CARD6: variants seen among roughly 807,000 people sequenced by gnomAD.
The protein encoded by CARD6 is caspase recruitment domain family member 6.
In CARD6, 27 loss-of-function variants were observed where a neutral mutation model predicts 23.6. The observed-to-expected ratio is 1.14, with a 90% CI of 0.84 to 1.58. The LOEUF (loss-of-function observed/expected upper bound fraction) is 1.58, where lower values mean the gene tolerates loss of function less well. Among genes scored for constraint, CARD6 ranks in the 40% most tolerant of loss-of-function variants. CARD6 has a pLI of 0.00. For synonymous variants in CARD6, 397 were observed against 431.8 expected (o/e 0.92, Z 1.00); for missense variants, 1,214 against 1,209.9 (o/e 1.00, Z -0.05).
chr5:40,842,667 G>A (rs1745882532), intron 1 of CARD6, among the ~76,000 whole-genome samples: 1 of 151,764 alleles, frequency 6.6e-6, no homozygotes. Flanking sequence ...TTTTTTAGTG[G>A]AAAAAAGAAA....
chr5:40,849,000 G>T (rs112995678), intron 2 of CARD6, among the ~76,000 whole-genome samples: 3,947 of 151,934 alleles, frequency 0.026, 197 homozygotes, highest in African/African-American at 0.088. Context: ...GATCCTGTGG[G>T]TATTGATGTC....
At chr5:40,851,448 C>T (rs1010223517) in intron 2 of CARD6, among the ~76,000 whole-genome samples, 1 of 152,148 alleles carries the variant, frequency 6.6e-6, no homozygotes, top group African/African-American at 2.4e-5. Flanking sequence ...TTGATATCTC[C>T]CCTAAAAACG....
Position 40,853,401 on chromosome 5 carries a change from T to G in CARD6, c.2069T>G (p.Leu690Arg). Residue 690 changes from leucine to arginine, a missense_variant, in exon 3 of 3, where the codon CTA becomes CGA. Transcript: ENST00000254691. ...EGEGQQRHSQLKSSSKSQALM... is the reference protein window; with the variant it reads ...EGEGQQRHSQRKSSSKSQALM... Reference sequence around the variant, plus strand: ...GAGGGTCAGCAAAGACACAGTCAGCTAAAAAGCTCATCTAAAAGCCAGGCT... The same window carrying G: ...GAGGGTCAGCAAAGACACAGTCAGCGAAAAAGCTCATCTAAAAGCCAGGCT... 2 of 1,614,122 alleles carry G rather than the reference T, an allele frequency of 1.2e-6. No individual in the cohort carries two copies. The highest frequency in any genetic ancestry group is 1.7e-6 in the Non-Finnish European group (2 of 1,180,006).
chr5:40,853,664 G>A lies in CARD6; in HGVS notation c.2332G>A (p.Gly778Ser), dbSNP rs1746126225. The A allele has an allele frequency of 6.2e-7, 1 of 1,614,190 alleles. No homozygotes were observed. Among genetic ancestry groups the A allele is most frequent in the Non-Finnish European group, 8.5e-7 (1 of 1,180,042 alleles). ...PLPFQNAGAQ[G>S]RGKSFGIQSF... The stretch of plus-strand genomic sequence containing the variant: ...GCCTTTTCAGAATGCAGGGGCCCAG[G>A]GCCGAGGTAAAAGTTTTGGTATTCA... Residue 778 changes from glycine (G) to serine (S), a missense_variant, in exon 3 of 3, where the codon GGC becomes AGC. Gly to Ser is a moderately conservative substitution (Grantham distance 56, BLOSUM62 0). Transcript: ENST00000254691.
Position 40,841,426 on chromosome 5 carries a change from GAA to G in CARD6, c.49_50del (p.Lys17ValfsTer3). Reference sequence around the variant, plus strand: ...CCCTCAGAGATCATAGAAAGAGAAAGAAAAAAGTTGCTTGAAATCCTTCAACA... The same window carrying G: ...CCCTCAGAGATCATAGAAAGAGAAAGAAAAGTTGCTTGAAATCCTTCAACA... On this transcript the variant is annotated frameshift_variant, in exon 1 of 3. Coordinates refer to ENST00000254691, the MANE Select transcript of CARD6 (RefSeq NM_032587.4). LOFTEE classifies it high-confidence loss of function. 6.2e-7 allele frequency: 1 copy of G among 1,612,350 alleles called. No homozygotes were observed. Among genetic ancestry groups the G allele is most frequent in the East Asian group, 2.2e-5 (1 of 44,830 alleles).
Position 40,853,392 on chromosome 5 carries a change from ACAGT to A in CARD6, c.2064_2067del (p.Gln689Ter), listed in dbSNP as rs1416568407. The A allele has an allele frequency of 3.7e-6, 6 of 1,614,070 alleles. No individual in the cohort carries two copies. Among genetic ancestry groups the A allele is most frequent in the Non-Finnish European group, 5.1e-6 (6 of 1,180,048 alleles). ...GCTGAAGGTGAGGGTCAGCAAAGACACAGTCAGCTAAAAAGCTCATCTAAAAGCC... is the reference window on the plus strand; with the variant it reads ...GCTGAAGGTGAGGGTCAGCAAAGACACAGCTAAAAAGCTCATCTAAAAGCC... On this transcript the variant is annotated frameshift_variant, in exon 3 of 3. Coordinates refer to ENST00000254691, the MANE Select transcript of CARD6 (RefSeq NM_032587.4). LOFTEE classifies it low-confidence loss of function (END_TRUNC).
intron 2 of CARD6, among the ~76,000 whole-genome samples, chr5:40,850,930 G>A (rs1746054541): frequency 6.6e-6 from 1 of 151,978 alleles, no homozygotes; most frequent in Non-Finnish European, 1.5e-5. Flanking sequence ...TAGCTAAAAT[G>A]AGTTAGGTAG....
rs1319605115 is a variant in CARD6 at position 40,843,383 on chromosome 5, C to T, written c.515C>T (p.Pro172Leu). The change falls in exon 2 of 3, where the codon CCA becomes CTA. Residue 172 changes from proline to leucine, a missense_variant. Pro to Leu is a moderately conservative substitution (Grantham distance 98). Coordinates refer to ENST00000254691, the MANE Select transcript of CARD6 (RefSeq NM_032587.4). ...ARKNEKEYDT[P>L]EVTLSYSVEK... is the part of the protein sequence containing the mutation. Reference sequence around the variant, plus strand: ...AAGAATGAGAAGGAATATGACACACCAGAAGTCACATTATCATATTCAGTT... The same window carrying T: ...AAGAATGAGAAGGAATATGACACACTAGAAGTCACATTATCATATTCAGTT... 2 of 1,613,832 alleles carry T rather than the reference C, an allele frequency of 1.2e-6. No homozygotes were observed. The highest frequency in any genetic ancestry group is 8.5e-7 in the Non-Finnish European group (1 of 1,179,790).
In CARD6 at chr5:40,850,595, G is replaced by A. The variant is rs1336230349; in HGVS notation, c.842-1579G>A. 7.5e-4 allele frequency among the ~76,000 whole-genome samples: 111 copies of A among 148,602 alleles called. 1 individual carries two copies. The highest frequency in any genetic ancestry group is 2.7e-3 in the African/African-American group (110 of 40,526). On this transcript the variant is annotated intron_variant, in intron 2 of 2. Coordinates refer to ENST00000254691, the MANE Select transcript of CARD6 (RefSeq NM_032587.4). ...AAATTAGCTGGGTGTGACGGCGGGC[G>A]CCTGTAGTCCCAGCTACTCGGGAGG...
rs1579799955 is a variant in CARD6, at chr5:40,843,191, TG to T, written c.328del (p.Ala110GlnfsTer13). 3 of 1,611,034 alleles carry T rather than the reference TG, an allele frequency of 1.9e-6. No individual in the cohort carries two copies. The highest frequency in any genetic ancestry group is 2.5e-6 in the Non-Finnish European group (3 of 1,179,296). ...GAGAATACAGTACCTCCTCAATCTA[TG>T]GGGGCAAGCAGTAATTCAGAAGATG... ...KHENTVPPQSMGASSNSEDAF... is the reference protein window; with the variant it reads ...KHENTVPPQSXGASSNSEDAF... On this transcript the variant is annotated frameshift_variant, in exon 2 of 3. Coordinates refer to ENST00000254691, the MANE Select transcript of CARD6 (RefSeq NM_032587.4). LOFTEE classifies it high-confidence loss of function.
At position 40,852,565 on chromosome 5, in the gene CARD6, TG is replaced by T. The variant is rs1746087558; in HGVS notation, c.1234del (p.Ala412GlnfsTer8). The T allele has an allele frequency of 2.5e-6, 4 of 1,614,068 alleles. No individual in the cohort carries two copies. In the African/African-American group the frequency reaches 5.3e-5, roughly 22 times the overall value. On this transcript the variant is annotated frameshift_variant, in exon 3 of 3. Transcript: ENST00000254691. LOFTEE classifies it low-confidence loss of function (END_TRUNC). ...TTGCTCTTCCCCTGCTACTGCCAGA[TG>T]CAGAAAACAACAAAAGCATCTTAAT... Reference protein sequence around the residue: ...QFALPLLLPDAENNKSILMLG... With the variant: ...QFALPLLLPDXENNKSILMLG...
chr5:40,850,721 C>CAAAA (rs34372703), intron 2 of CARD6, among the ~76,000 whole-genome samples: 72 of 46,546 alleles, frequency 1.5e-3, no homozygotes, highest in South Asian at 4.0e-3. Flanking sequence ...ACTCCGTCTC[C>CAAAA]AAAAAAAAAA....
At chr5:40,843,115 T>G (rs1183814573) in intron 1 of CARD6, 37 bp from the exon 2 acceptor site, 22 of 1,441,358 alleles carry the variant, frequency 1.5e-5, no homozygotes, top group Non-Finnish European at 1.7e-5. Flanking sequence ...TACAGCTTCT[T>G]TTTCTTAATT....
At position 40,852,307 on chromosome 5, in the gene CARD6, A is replaced by AG; in HGVS notation, c.976dup (p.Ala326GlyfsTer16). On this transcript the variant is annotated frameshift_variant, in exon 3 of 3. Coordinates refer to ENST00000254691, the MANE Select transcript of CARD6 (RefSeq NM_032587.4). LOFTEE classifies it low-confidence loss of function (END_TRUNC). Reference sequence around the variant, plus strand: ...GGACCCCTGAGAGTCCAGGAGACTTAGCCTGGAATTTCCTGATGAAAGTTC... The same window carrying AG: ...GGACCCCTGAGAGTCCAGGAGACTTAGGCCTGGAATTTCCTGATGAAAGTTC... 1 of 1,614,002 alleles carries AG rather than the reference A, an allele frequency of 6.2e-7. No individual in the cohort carries two copies. Among genetic ancestry groups the AG allele is most frequent in the East Asian group, 2.2e-5 (1 of 44,880 alleles).
chr5:40,850,438 G>C (rs1397945080), intron 2 of CARD6, among the ~76,000 whole-genome samples: 2 of 84,680 alleles, frequency 2.4e-5, no homozygotes, highest in Non-Finnish European at 4.8e-5. Flanking sequence ...AAAAAAGCCA[G>C]GCACAGTGGC....
rs749306757 is a variant in CARD6 at position 40,843,337 on chromosome 5, GA to G, written c.472del (p.Thr158GlnfsTer37). The part of the protein sequence containing the change: ...FFRDKKTSYR[E>X]TALSARKNEK... ...CAGGGACAAGAAAACTAGTTATAGG[GA>G]AACAGCTTTGTCTGCCAGGAAGAAT... On this transcript the variant is annotated frameshift_variant, in exon 2 of 3. Transcript: ENST00000254691. LOFTEE classifies it high-confidence loss of function. The G allele has an allele frequency of 1.9e-5, 31 of 1,614,120 alleles. No homozygotes were observed. Among genetic ancestry groups the G allele is most frequent in the Non-Finnish European group, 2.6e-5 (31 of 1,180,010 alleles).
rs193220215 is a variant in CARD6, at chr5:40,850,502, C to T, written c.842-1672C>T. ...GGCTGAGGAGGGTGGATTGCCTGAG[C>T]TCAGGAGTTCGAGACCAGCCTGGGC... is the stretch of plus-strand genomic sequence containing the variant. On this transcript the variant is annotated intron_variant, in intron 2 of 2. Transcript: ENST00000254691. Among the ~76,000 whole-genome samples the T allele has an allele frequency of 8.9e-5, 13 of 145,894 alleles. 1 individual carries two copies. In the East Asian group the frequency reaches 2.7e-3, roughly 30 times the overall value.
At chr5:40,844,151 C>T (rs114237728) in intron 2 of CARD6, among the ~76,000 whole-genome samples, 434 of 152,250 alleles carry the variant, frequency 2.9e-3, no homozygotes, top group Middle Eastern at 6.8e-3. Context: ...TGGCTAAGAT[C>T]CCAAAATATT....
Position 40,852,538 on chromosome 5 carries a change from G to A in CARD6, c.1206G>A (p.Gln402=). The A allele has an allele frequency of 1.2e-6, 2 of 1,614,208 alleles. No homozygotes were observed. Among genetic ancestry groups the A allele is most frequent in the African/African-American group, 1.3e-5 (1 of 75,042 alleles). Residue 402 remains glutamine (Q), a synonymous_variant, in exon 3 of 3, where the codon CAG becomes CAA. Transcript: ENST00000254691. The part of the protein sequence containing the change: ...RQVMSNMYQC[Q]FALPLLLPDA... ...TCATGTCAAACATGTATCAGTGCCA[G>A]TTTGCTCTTCCCCTGCTACTGCCAG...
Sources: allele counts gnomAD v4.1 joint callset (sites outside exome capture counted in the v4.1 genomes callset), GRCh38; gene constraint gnomAD v4.1.1; transcripts MANE v1.5; gene names NCBI Gene and HGNC (gene_info 2026-07-23, HGNC 2026-07-21).